Variants in MKLN1 observed in about 807,000 individuals in gnomAD.
The protein encoded by MKLN1 is muskelin 1, also known as muskelin.
MKLN1 carries 18 observed loss-of-function variants against 99.0 expected under a neutral mutation model. That is an observed-to-expected ratio of 0.18 (90% CI 0.13 to 0.27). The LOEUF (loss-of-function observed/expected upper bound fraction) is 0.27, where lower values mean the gene tolerates loss of function less well. MKLN1 is among the 10% of genes least tolerant of loss of function. The probability of loss-of-function intolerance (pLI) is 1.00; values close to 1 mark genes in which losing one functional copy is unlikely to be tolerated. For synonymous variants in MKLN1, 288 were observed against 293.2 expected, an observed-to-expected ratio of 0.98 and a Z score of 0.18; for missense variants, 621 against 875.9, an observed-to-expected ratio of 0.71 and a Z score of 3.67.
chr7:131,275,966 A>G (rs1797966499), intron 3 of MKLN1, among the ~76,000 whole-genome samples: 1 of 152,144 alleles, frequency 6.6e-6, no homozygotes. Context: ...GACCCGGCCC[A>G]CTGGAGGAGC....
chr7:131,263,413 T>C (rs1797763889), intron 3 of MKLN1, among the ~76,000 whole-genome samples: 2 of 151,226 alleles, frequency 1.3e-5, no homozygotes, highest in Admixed American at 1.3e-4. Context: ...TAGTCCCAGC[T>C]ACTTGGGAGG....
intron 3 of MKLN1, among the ~76,000 whole-genome samples, chr7:131,209,504 G>T (rs1417106093): frequency 6.6e-6 from 1 of 152,188 alleles, no homozygotes; most frequent in Non-Finnish European, 1.5e-5. Flanking sequence ...TAAGAAAAAG[G>T]AACCAAAGAT....
Position 131,434,746 on chromosome 7 carries a change from A to C in MKLN1, c.961-3039A>C, listed in dbSNP as rs1192757287. Among the ~76,000 whole-genome samples the C allele has an allele frequency of 2.6e-5, 4 of 152,124 alleles. 1 individual carries two copies. Among genetic ancestry groups the C allele is most frequent in the Admixed American group, 2.6e-4 (4 of 15,280 alleles). ...TTTTTAAATTATGTGTAGAGATAGG[A>C]TCTCTGTATGTTGAACATGCAGAGG... On this transcript the variant is annotated intron_variant, in intron 9 of 17. Transcript: ENST00000352689.
chr7:131,272,954 T>G (rs549006251), intron 3 of MKLN1, among the ~76,000 whole-genome samples: 1 of 152,278 alleles, frequency 6.6e-6, no homozygotes, highest in South Asian at 2.1e-4. Context: ...CTGCAAAACA[T>G]AGCAGCCAAG....
At chr7:131,468,486 A>C (rs1796720812) in intron 15 of MKLN1, among the ~76,000 whole-genome samples, 1 of 152,188 alleles carries the variant, frequency 6.6e-6, no homozygotes, top group Non-Finnish European at 1.5e-5. Context: ...ATGGAAAATA[A>C]ATATTCTGTT....
intron 3 of MKLN1, among the ~76,000 whole-genome samples, chr7:131,259,139 C>A (rs900758161): frequency 1.3e-5 from 2 of 152,046 alleles, no homozygotes; most frequent in Admixed American, 6.6e-5. Flanking sequence ...ATATAAAACA[C>A]CTTCATCAGA....
intron 4 of MKLN1, among the ~76,000 whole-genome samples, chr7:131,396,765 T>C (rs1794374536): frequency 6.6e-6 from 1 of 152,250 alleles, no homozygotes; most frequent in African/African-American, 2.4e-5. Flanking sequence ...GAGATCTGTT[T>C]GGTTACAATG....
intron 3 of MKLN1, among the ~76,000 whole-genome samples, chr7:131,224,959 G>C (rs1330721035): frequency 6.6e-6 from 1 of 152,006 alleles, no homozygotes; most frequent in African/African-American, 2.4e-5. Flanking sequence ...TGTAGTCCCA[G>C]CTACTCGGGA....
In MKLN1 at chr7:131,445,883, C is replaced by T. The variant is rs1270487417; in HGVS notation, c.1505C>T (p.Thr502Ile). Residue 502 changes from threonine (T) to isoleucine (I), a missense_variant, in exon 12 of 18, where the codon ACC becomes ATC. Coordinates refer to ENST00000352689, the MANE Select transcript of MKLN1 (RefSeq NM_013255.5). ...SDHVDIISDG[T>I]KKDSGMVPMT... ...CATGTAGACATAATATCAGATGGCACCAAGAAAGACTCTGGGATGGGTAAG... is the reference window on the plus strand; with the variant it reads ...CATGTAGACATAATATCAGATGGCATCAAGAAAGACTCTGGGATGGGTAAG... The T allele has an allele frequency of 1.3e-6, 2 of 1,599,466 alleles. No individual in the cohort carries two copies. The highest frequency in any genetic ancestry group is 8.5e-7 in the Non-Finnish European group (1 of 1,171,092).
At chr7:131,390,603 T>C (rs1794172680) in intron 4 of MKLN1, among the ~76,000 whole-genome samples, 1 of 152,142 alleles carries the variant, frequency 6.6e-6, no homozygotes, top group Non-Finnish European at 1.5e-5. Flanking sequence ...AATGTGATGT[T>C]TTGACATATG....
At chr7:131,195,048 T>C (rs1313663430) in intron 2 of MKLN1, among the ~76,000 whole-genome samples, 3 of 152,192 alleles carry the variant, frequency 2.0e-5, no homozygotes, top group Admixed American at 6.5e-5. Context: ...TTTTGCAGTA[T>C]CATACTTCTT....
At chr7:131,334,785 T>C (rs1563298210) in intron 1 of MKLN1, among the ~76,000 whole-genome samples, 1 of 152,220 alleles carries the variant, frequency 6.6e-6, no homozygotes, top group South Asian at 2.1e-4. Flanking sequence ...TTTGGAAATA[T>C]GAAAGATTTT....
intron 6 of MKLN1, 25 bp downstream of exon 6, chr7:131,399,458 G>T: frequency 6.3e-7 from 1 of 1,596,192 alleles, no homozygotes. Flanking sequence ...TTGGTTATTA[G>T]GGTAAATTCA....
intron 17 of MKLN1, among the ~76,000 whole-genome samples, chr7:131,480,132 A>G (rs28698014): frequency 0.02 from 3,009 of 151,942 alleles, 81 homozygotes; most frequent in African/African-American, 0.066. Context: ...ATAACTTATG[A>G]TAGCTTCATT....
chr7:131,208,371 A>G (rs6960289), intron 3 of MKLN1, among the ~76,000 whole-genome samples: 59,137 of 152,038 alleles, frequency 0.39, 11,578 homozygotes, highest in East Asian at 0.53. Flanking sequence ...AGGCTAGCAG[A>G]TCGTTTGAGC....
intron 2 of MKLN1, among the ~76,000 whole-genome samples, chr7:131,179,367 G>T (rs1466943310): frequency 6.6e-6 from 1 of 152,064 alleles, no homozygotes; most frequent in Non-Finnish European, 1.5e-5. Flanking sequence ...GAAGGAAGAA[G>T]GTCAGCTGTT....
At chr7:131,415,413 AT>A (rs1292994909) in intron 8 of MKLN1, among the ~76,000 whole-genome samples, 1 of 152,158 alleles carries the variant, frequency 6.6e-6, no homozygotes, top group Non-Finnish European at 1.5e-5. Context: ...GAATAAAATA[AT>A]TGCTTGGAGA....
chr7:131,140,376 CA>C (rs1795712866), intron 1 of MKLN1, among the ~76,000 whole-genome samples: 1 of 152,148 alleles, frequency 6.6e-6, no homozygotes, highest in African/African-American at 2.4e-5. Context: ...TTGTGTCCTC[CA>C]AACCTCATGT....
chr7:131,320,801 T>C (rs115369117), intron 3 of MKLN1, among the ~76,000 whole-genome samples: 5,116 of 152,168 alleles, frequency 0.034, 249 homozygotes, highest in African/African-American at 0.11. Context: ...GAAGAAGAGA[T>C]TGATGTGGCC....
Sources: allele counts gnomAD v4.1 joint callset (sites outside exome capture counted in the v4.1 genomes callset), GRCh38; gene constraint gnomAD v4.1.1; transcripts MANE v1.5; gene names NCBI Gene and HGNC (gene_info 2026-07-23, HGNC 2026-07-21).